Variants in RBPJ observed in about 807,000 individuals in gnomAD.
RBPJ encodes recombination signal binding protein for immunoglobulin kappa J region, also known as recombining binding protein suppressor of hairless.
RBPJ carries 9 observed loss-of-function variants against 67.8 expected under a neutral mutation model. That is an observed-to-expected ratio of 0.13 (90% CI 0.08 to 0.23). The LOEUF (loss-of-function observed/expected upper bound fraction) is 0.23. Ranked by LOEUF, RBPJ falls within the 10% of genes least tolerant of loss-of-function variation. The pLI, the probability that RBPJ is intolerant of heterozygous loss-of-function variation, is 1.00. For missense variants in RBPJ, 305 were observed against 595.6 expected (o/e 0.51, Z 5.08); for synonymous variants, 198 against 203.3 (o/e 0.97, Z 0.22).
chr4:26,340,817 C>G (rs994893553), intron 1 of RBPJ, among the ~76,000 whole-genome samples: 6 of 151,080 alleles, frequency 4.0e-5, no homozygotes, highest in African/African-American at 1.5e-4. Flanking sequence ...TGAGATCACG[C>G]CACTGCACTC....
intron 1 of RBPJ, among the ~76,000 whole-genome samples, chr4:26,383,129 C>T (rs1232044263): frequency 6.6e-6 from 1 of 152,194 alleles, no homozygotes; most frequent in Non-Finnish European, 1.5e-5. Flanking sequence ...CCAGACTCAA[C>T]AGGCAAATAT....
the RBPJ span, among the ~76,000 whole-genome samples, chr4:26,143,178 A>G: frequency 4.3e-4 from 65 of 152,296 alleles, no homozygotes; most frequent in African/African-American, 1.5e-3. Context: ...TCCAAATTCA[A>G]TCCCATCTGA....
the RBPJ span, among the ~76,000 whole-genome samples, chr4:26,149,299 T>C: frequency 1.3e-5 from 2 of 152,212 alleles, no homozygotes; most frequent in Admixed American, 1.3e-4. Flanking sequence ...GAGCCTCTCT[T>C]CAGTGATTTG....
chr4:26,191,194 T>C (rs867450578), intron 1 of RBPJ, among the ~76,000 whole-genome samples: 71 of 24,294 alleles, frequency 2.9e-3, no homozygotes, highest in African/African-American at 1.0e-2. Flanking sequence ...TATATATATA[T>C]ATATATATAT....
intron 1 of RBPJ, among the ~76,000 whole-genome samples, chr4:26,366,298 TTTTG>T (rs1728621050): frequency 2.0e-5 from 3 of 151,222 alleles, no homozygotes; most frequent in Non-Finnish European, 4.4e-5. Flanking sequence ...TTTTGTTTTG[TTTTG>T]TTTATCTCTG....
At chr4:26,366,610 C>T (rs895493779) in intron 1 of RBPJ, among the ~76,000 whole-genome samples, 21 of 151,840 alleles carry the variant, frequency 1.4e-4, no homozygotes, top group African/African-American at 3.4e-4. Flanking sequence ...TTAGTAGAGA[C>T]GGGGTTTCAC....
chr4:26,399,162 G>A (rs1463529756), intron 2 of RBPJ, among the ~76,000 whole-genome samples: 1 of 152,076 alleles, frequency 6.6e-6, no homozygotes, highest in Admixed American at 6.6e-5. Context: ...TACGTTCATT[G>A]CACTTTCTTC....
chr4:26,430,640 C>G lies in RBPJ; in HGVS notation c.1149-52C>G. ...ACCTTGTGTTAAGTCTCATTTTTAACATGTACTTTGCTTTTTAAAGTGTTT... is the reference window on the plus strand; with the variant it reads ...ACCTTGTGTTAAGTCTCATTTTTAAGATGTACTTTGCTTTTTAAAGTGTTT... On this transcript the variant is annotated intron_variant, in intron 10 of 10. Transcript: ENST00000355476. The surrounding 1 kb of genome is among the most constrained non-coding windows in gnomAD (Gnocchi z 4.1). 2.5e-6 allele frequency: 4 copies of G among 1,580,932 alleles called. No individual in the cohort carries two copies. The highest frequency in any genetic ancestry group is 3.5e-6 in the Non-Finnish European group (4 of 1,156,584).
At chr4:26,314,997 T>C (rs1440441521), upstream of RBPJ, among the ~76,000 whole-genome samples, 1 of 151,052 alleles carries the variant, frequency 6.6e-6, no homozygotes, top group East Asian at 2.0e-4. Flanking sequence ...ATACAAAAAT[T>C]AGCCGGGTGT....
intron 1 of RBPJ, among the ~76,000 whole-genome samples, chr4:26,221,251 C>T (rs1327647311): frequency 6.6e-6 from 1 of 152,068 alleles, no homozygotes; most frequent in African/African-American, 2.4e-5. Context: ...CCACCACGCC[C>T]GGCTAATTTT....
In RBPJ at chr4:26,313,986, C is replaced by T. The variant is rs76779632; in HGVS notation, c.-166-48460C>T. Reference sequence around the variant, plus strand: ...TTATAGGAAATATATATACATAGTACAAAATTCAAAGGATCCAAGATAGAC... The same window carrying T: ...TTATAGGAAATATATATACATAGTATAAAATTCAAAGGATCCAAGATAGAC... On this transcript the variant is annotated intron_variant, in intron 1 of 4. Coordinates refer to the RBPJ transcript ENST00000512351. Among the ~76,000 whole-genome samples the T allele has an allele frequency of 7.2e-5, 11 of 152,052 alleles. No homozygotes were observed. The East Asian group carries it at 2.1e-3, about 29-fold the overall frequency.
chr4:26,290,202 G>A (rs1417262884), intron 1 of RBPJ, among the ~76,000 whole-genome samples: 7 of 148,602 alleles, frequency 4.7e-5, no homozygotes, highest in African/African-American at 1.2e-4. Context: ...AGCTGGGCAT[G>A]GTGGTACATG....
chr4:26,365,280 A>G (rs1728510498), intron 1 of RBPJ, among the ~76,000 whole-genome samples: 1 of 152,144 alleles, frequency 6.6e-6, no homozygotes, highest in South Asian at 2.1e-4. Flanking sequence ...GAGTAAAATA[A>G]GCCATCACTA....
intron 1 of RBPJ, among the ~76,000 whole-genome samples, chr4:26,385,747 C>G (rs925360013): frequency 3.3e-5 from 5 of 151,378 alleles, no homozygotes; most frequent in Non-Finnish European, 7.4e-5. Context: ...TGTATACCCA[C>G]TAGAATTTTC....
chr4:26,156,442 A>G, the RBPJ span, among the ~76,000 whole-genome samples: 10 of 124,794 alleles, frequency 8.0e-5, no homozygotes, highest in African/African-American at 3.0e-4. Flanking sequence ...TTTTTGAGAC[A>G]GAGTCTCACT....
intron 1 of RBPJ, among the ~76,000 whole-genome samples, chr4:26,187,989 T>C (rs1717334412): frequency 6.6e-6 from 1 of 152,138 alleles, no homozygotes; most frequent in Non-Finnish European, 1.5e-5. Flanking sequence ...ATCATGCCAC[T>C]GCACTCCAGC....
the RBPJ span, among the ~76,000 whole-genome samples, chr4:26,147,778 A>T: frequency 6.6e-6 from 1 of 152,188 alleles, no homozygotes; most frequent in African/African-American, 2.4e-5. Context: ...CACAATAAAA[A>T]TCCATGAAAT....
intron 1 of RBPJ, among the ~76,000 whole-genome samples, chr4:26,208,694 C>A (rs1340921830): frequency 6.6e-6 from 1 of 152,148 alleles, no homozygotes; most frequent in Non-Finnish European, 1.5e-5. Context: ...ATTTTGACCA[C>A]CCTGTGATTT....
intron 2 of RBPJ, among the ~76,000 whole-genome samples, chr4:26,390,664 C>T: frequency 6.6e-6 from 1 of 152,102 alleles, no homozygotes; most frequent in East Asian, 1.9e-4. Context: ...CAGGAAAAGT[C>T]TGACAAAAGG....
Sources: gnomAD v4.1 joint callset for allele counts (sites outside exome capture counted in the v4.1 genomes callset) on GRCh38, gnomAD v4.1.1 for gene constraint, Gnocchi (gnomAD v3.1) non-coding constraint, MANE v1.5 for transcripts, NCBI Gene and HGNC (gene_info 2026-07-23, HGNC 2026-07-21) for gene names.